The following EBF2 variants were observed in gnomAD, a reference collection of about 807,000 sequenced individuals.
The protein encoded by EBF2 is transcription factor COE2.
In EBF2, 21 loss-of-function variants were observed where a neutral mutation model predicts 72.8. The ratio of observed to expected loss-of-function variants is 0.29; its 90% CI spans 0.20 to 0.42. The LOEUF (loss-of-function observed/expected upper bound fraction) is 0.42, where lower values mean the gene tolerates loss of function less well. Among genes scored for constraint, EBF2 ranks in the 10% least tolerant of loss-of-function variants. The pLI, the probability that EBF2 is intolerant of heterozygous loss-of-function variation, is 1.00. For missense variants in EBF2, 637 were observed against 731.2 expected (o/e 0.87, Z 1.49); for synonymous variants, 299 against 274.2 (o/e 1.09, Z -0.89).
chr8:25,964,548 T>C (rs1804084882), intron 6 of EBF2, among the ~76,000 whole-genome samples: 1 of 152,190 alleles, frequency 6.6e-6, no homozygotes, highest in Non-Finnish European at 1.5e-5. Flanking sequence ...ATAGGACAAC[T>C]GTAATCTCTA....
At chr8:26,015,344 T>G (rs1220568401) in intron 6 of EBF2, among the ~76,000 whole-genome samples, 4 of 152,196 alleles carry the variant, frequency 2.6e-5, no homozygotes, top group Non-Finnish European at 5.9e-5. Context: ...GAATCAAGAA[T>G]GCATAAATCC....
intron 2 of EBF2, 126 bp from the exon 3 acceptor site, chr8:26,041,128 G>T (rs977567434): frequency 3.6e-6 from 4 of 1,097,474 alleles, no homozygotes; most frequent in African/African-American, 3.1e-5. Context: ...GTAACCCCCT[G>T]TTCAGCCCTA....
intron 6 of EBF2, among the ~76,000 whole-genome samples, chr8:25,959,198 G>A (rs1382173026): frequency 6.6e-6 from 1 of 152,162 alleles, no homozygotes; most frequent in Non-Finnish European, 1.5e-5. Flanking sequence ...TCTAAGGAGA[G>A]ACAATGCTTG....
At chr8:26,021,765 G>C (rs1473481291) in intron 6 of EBF2, among the ~76,000 whole-genome samples, 2 of 152,010 alleles carry the variant, frequency 1.3e-5, no homozygotes, top group Non-Finnish European at 2.9e-5. Flanking sequence ...GCTAAATATG[G>C]CAACTCTAGA....
intron 6 of EBF2, among the ~76,000 whole-genome samples, chr8:25,996,600 G>C (rs1804636714): frequency 6.6e-6 from 1 of 151,068 alleles, no homozygotes; most frequent in Admixed American, 6.6e-5. Flanking sequence ...AAAAAAATAA[G>C]AAAAGAAAAA....
chr8:26,043,768 G>A (rs1805650848), intron 1 of EBF2, among the ~76,000 whole-genome samples: 2 of 152,172 alleles, frequency 1.3e-5, no homozygotes, highest in South Asian at 2.1e-4. Flanking sequence ...GGGAAGCGAG[G>A]GTAGTGGAAG....
chr8:26,012,648 T>C (rs566101016), intron 6 of EBF2, among the ~76,000 whole-genome samples: 56 of 152,336 alleles, frequency 3.7e-4, no homozygotes, highest in Non-Finnish European at 4.0e-4. Context: ...TGGACAGAGT[T>C]ACCATTTTAT....
At chr8:26,022,365 G>A (rs1161076888) in intron 6 of EBF2, among the ~76,000 whole-genome samples, 1 of 152,114 alleles carries the variant, frequency 6.6e-6, no homozygotes, top group Non-Finnish European at 1.5e-5. Flanking sequence ...AAAATGTCCT[G>A]TACAATTGTG....
At chr8:25,959,196 G>A (rs1803995639) in intron 6 of EBF2, among the ~76,000 whole-genome samples, 1 of 152,162 alleles carries the variant, frequency 6.6e-6, no homozygotes, top group Non-Finnish European at 1.5e-5. Context: ...CTTCTAAGGA[G>A]AGACAATGCT....
chr8:25,930,582 T>C (rs1016544730), intron 6 of EBF2, among the ~76,000 whole-genome samples: 36 of 152,290 alleles, frequency 2.4e-4, no homozygotes, highest in African/African-American at 8.4e-4. Context: ...GAGAAAGAGA[T>C]AGCTATGGAA....
At chr8:25,876,688 T>A (rs1802527204) in intron 10 of EBF2, among the ~76,000 whole-genome samples, 1 of 152,176 alleles carries the variant, frequency 6.6e-6, no homozygotes, top group Admixed American at 6.5e-5. Context: ...TGTAATAAAC[T>A]GTACAGTACT....
chr8:25,890,541 CT>C (rs1410109214), intron 7 of EBF2, among the ~76,000 whole-genome samples: 3 of 152,182 alleles, frequency 2.0e-5, no homozygotes, highest in African/African-American at 7.2e-5. Context: ...CTTCTGTCCC[CT>C]AACTTGCAAC....
intron 10 of EBF2, among the ~76,000 whole-genome samples, chr8:25,876,758 A>C (rs1245441685): frequency 6.6e-6 from 1 of 152,232 alleles, no homozygotes; most frequent in Non-Finnish European, 1.5e-5. Flanking sequence ...TCTAGGATTC[A>C]TCATACCTTG....
chr8:26,036,214 C>T (rs1051645359), intron 5 of EBF2, among the ~76,000 whole-genome samples: 5 of 152,268 alleles, frequency 3.3e-5, no homozygotes, highest in South Asian at 2.1e-4. Context: ...AGCTGCCTTC[C>T]GTGGGGATTT....
intron 6 of EBF2, among the ~76,000 whole-genome samples, chr8:25,992,155 C>G (rs1303808554): frequency 6.6e-6 from 1 of 151,642 alleles, no homozygotes; most frequent in African/African-American, 2.4e-5. Context: ...CTTGGCCTGA[C>G]AGGTGAAACC....
At chr8:25,875,283 C>T (rs1224905854) in intron 10 of EBF2, among the ~76,000 whole-genome samples, 1 of 152,206 alleles carries the variant, frequency 6.6e-6, no homozygotes. Context: ...TATTTATATA[C>T]ATAAATACCT....
chr8:25,887,827 G>C lies in EBF2; in HGVS notation c.882+15C>G. 1 of 1,581,642 alleles carries C rather than the reference G, an allele frequency of 6.3e-7. No individual in the cohort carries two copies. The highest frequency in any genetic ancestry group is 1.2e-5 in the South Asian group (1 of 85,264). ...GGCAAAAGGAAATCAGAGTAAGCCT[G>C]TTGCCTCTGCTTACCTCGCTCCATA... On this transcript the variant is annotated intron_variant, in intron 9 of 15. Transcript: ENST00000520164.
chr8:25,858,207 G>T, intron 14 of EBF2, 112 bp downstream of exon 14: 3 of 1,311,588 alleles, frequency 2.3e-6, no homozygotes, highest in African/African-American at 1.4e-5. Context: ...AAACTAGGCT[G>T]CTCCCCGACA....
intron 6 of EBF2, 28 bp from the exon 7 acceptor site, chr8:25,908,583 T>C (rs1395716550): frequency 6.8e-7 from 1 of 1,464,322 alleles, no homozygotes. Flanking sequence ...TGTGTTACAT[T>C]TTTCAGTAAA....
Sources: allele counts gnomAD v4.1 joint callset (sites outside exome capture counted in the v4.1 genomes callset), GRCh38; gene constraint gnomAD v4.1.1; transcripts MANE v1.5; gene names NCBI Gene and HGNC (gene_info 2026-07-23, HGNC 2026-07-21).